The following PCMT1 variants were observed in gnomAD, a reference collection of about 807,000 sequenced individuals.
PCMT1 encodes protein-L-isoaspartate (D-aspartate) O-methyltransferase.
In PCMT1, 9 loss-of-function variants were observed where a neutral mutation model predicts 29.2. The ratio of observed to expected loss-of-function variants is 0.31; its 90% CI spans 0.19 to 0.54. The LOEUF (loss-of-function observed/expected upper bound fraction) is 0.54, where lower values mean the gene tolerates loss of function less well. Ranked by LOEUF, PCMT1 falls within the 20% of genes least tolerant of loss-of-function variation. The pLI, the probability that PCMT1 is intolerant of heterozygous loss-of-function variation, is 0.95. For synonymous variants in PCMT1, 98 were observed against 97.5 expected (o/e 1.00, Z -0.03); for missense variants, 184 against 282.2 (o/e 0.65, Z 2.49).
intron 3 of PCMT1, 119 bp from the exon 4 acceptor site, chr6:149,789,835 A>G: frequency 1.9e-6 from 1 of 532,832 alleles, no homozygotes; most frequent in South Asian, 3.5e-5. Flanking sequence ...TAGCCAAGAT[A>G]ACTTGGTTAT....
rs954449647 is a variant in PCMT1, at chr6:149,802,108, G to A, written c.505-92G>A. The A allele has an allele frequency of 1.0e-5, 9 of 873,096 alleles. No individual in the cohort carries two copies. The Admixed American group carries it at 1.2e-4, about 11-fold the overall frequency. The allele number at this position is 873,096 out of a possible 1,614,324, so 54.1% of individuals were successfully genotyped here. A position where few individuals can be genotyped will look rare whatever the true frequency, so the allele number is the denominator to read the frequency against. On this transcript the variant is annotated intron_variant, in intron 6 of 7. Transcript: ENST00000464889. ...CGTGTCATTGCACTCCAGCCTGGGCGACAGAGTGAGACCCTGTCTCAAAAA... is the reference window on the plus strand; with the variant it reads ...CGTGTCATTGCACTCCAGCCTGGGCAACAGAGTGAGACCCTGTCTCAAAAA...
intron 1 of PCMT1, among the ~76,000 whole-genome samples, chr6:149,752,962 T>G (rs929836783): frequency 2.6e-5 from 4 of 152,234 alleles, no homozygotes; most frequent in Non-Finnish European, 5.9e-5. Flanking sequence ...ATATTTAATA[T>G]ACATAGATGT....
intron 4 of PCMT1, among the ~76,000 whole-genome samples, chr6:149,792,914 G>C (rs745968539): frequency 3.9e-5 from 6 of 152,094 alleles, no homozygotes; most frequent in Admixed American, 6.6e-5. Context: ...TGTAATCCCA[G>C]CACTCTGGGA....
At chr6:149,752,036 GTT>G (rs60405304) in intron 1 of PCMT1, among the ~76,000 whole-genome samples, 4 of 122,776 alleles carry the variant, frequency 3.3e-5, no homozygotes, top group East Asian at 2.6e-4. Flanking sequence ...AATTTTTAGG[GTT>G]TTTTTTTTTT....
intron 3 of PCMT1, among the ~76,000 whole-genome samples, chr6:149,785,835 A>C (rs1293956798): frequency 6.6e-6 from 1 of 152,154 alleles, no homozygotes; most frequent in East Asian, 1.9e-4. Context: ...CAACCATCCG[A>C]TTTCTCAATC....
intron 3 of PCMT1, among the ~76,000 whole-genome samples, chr6:149,786,417 A>ACC (rs1274258412): frequency 2.5e-5 from 2 of 81,562 alleles, no homozygotes; most frequent in African/African-American, 1.1e-4. Context: ...GCGGGGGCTG[A>ACC]CCCCCCACCT....
chr6:149,752,511 T>C (rs1324067934), intron 1 of PCMT1, among the ~76,000 whole-genome samples: 1 of 152,194 alleles, frequency 6.6e-6, no homozygotes, highest in Non-Finnish European at 1.5e-5. Flanking sequence ...GATGTCAATA[T>C]TTTGTCAAGC....
At chr6:149,762,354 G>A (rs1443541119) in intron 1 of PCMT1, among the ~76,000 whole-genome samples, 2 of 151,456 alleles carry the variant, frequency 1.3e-5, no homozygotes, top group Non-Finnish European at 2.9e-5. Flanking sequence ...AGCAGATCGG[G>A]TATGGGTGGC....
chr6:149,765,240 G>C (rs558748114), intron 1 of PCMT1, among the ~76,000 whole-genome samples: 1 of 148,786 alleles, frequency 6.7e-6, no homozygotes, highest in Non-Finnish European at 1.5e-5. Context: ...GGTGCCTGTA[G>C]TCCCAGCTAC....
intron 3 of PCMT1, among the ~76,000 whole-genome samples, chr6:149,773,902 C>A (rs569486402): frequency 1.3e-5 from 2 of 152,258 alleles, no homozygotes; most frequent in East Asian, 3.9e-4. Flanking sequence ...GTATAAGAGC[C>A]ATTAAGCTGC....
intron 6 of PCMT1, among the ~76,000 whole-genome samples, chr6:149,801,435 C>G (rs1775824487): frequency 1.3e-5 from 2 of 152,004 alleles, no homozygotes; most frequent in African/African-American, 4.8e-5. Flanking sequence ...ATTATTGATG[C>G]TCAACCTGTA....
chr6:149,799,441 T>C (rs1001450584), intron 6 of PCMT1, among the ~76,000 whole-genome samples: 5 of 152,148 alleles, frequency 3.3e-5, no homozygotes, highest in African/African-American at 1.2e-4. Context: ...AAATTCTGAG[T>C]TGAAAATTAT....
chr6:149,794,627 A>G (rs907535855), intron 5 of PCMT1: 1 of 257,316 alleles, frequency 3.9e-6, no homozygotes. Context: ...AAAAAAACAA[A>G]TAAAATAAAA....
chr6:149,754,218 T>A (rs935964147), intron 1 of PCMT1, among the ~76,000 whole-genome samples: 8 of 152,158 alleles, frequency 5.3e-5, no homozygotes, highest in African/African-American at 9.7e-5. Flanking sequence ...TTCAATTTTT[T>A]AAAAAATTAA....
rs1049468499 is a variant in PCMT1 at position 149,768,819 on chromosome 6, G to A, written c.56-2343G>A. On this transcript the variant is annotated intron_variant, in intron 1 of 7. Coordinates refer to ENST00000464889, the MANE Select transcript of PCMT1 (RefSeq NM_001360452.2). ...TTTTTGTATTTTTAGTAGAGATGGG[G>A]TTTCGCCATGTTGGCCGTATTGGTC... 3.3e-5 allele frequency among the ~76,000 whole-genome samples: 5 copies of A among 151,988 alleles called. No homozygotes were observed. In the South Asian group the frequency reaches 6.2e-4, roughly 19 times the overall value.
intron 7 of PCMT1, 168 bp downstream of exon 7, chr6:149,802,584 G>A: frequency 9.8e-7 from 1 of 1,021,464 alleles, no homozygotes; most frequent in Non-Finnish European, 1.2e-6. Flanking sequence ...GAAAGGGAGG[G>A]TGAGACTTGG....
intron 5 of PCMT1, chr6:149,795,180 C>T (rs985687550): frequency 1.0e-5 from 3 of 293,140 alleles, no homozygotes; most frequent in Non-Finnish European, 1.3e-5. Flanking sequence ...CAGACAAGAG[C>T]GAGACTTCGT....
In PCMT1 at chr6:149,786,518, CG is replaced by C. The variant is rs1375930441; in HGVS notation, c.193-3432del. ...GCGGAGGGGCTCCTCACTTCTCAGA[CG>C]GGGCGGCTGCCGGGCGGAGGGGCTC... On this transcript the variant is annotated intron_variant, in intron 3 of 7. Transcript: ENST00000464889. 2.5e-5 allele frequency among the ~76,000 whole-genome samples: 3 copies of C among 120,988 alleles called. 1 individual carries two copies. The highest frequency in any genetic ancestry group is 4.8e-5 in the Non-Finnish European group (3 of 62,656). 79.4% of individuals were successfully genotyped at this position (120,988 alleles called of 152,430 possible).
chr6:149,773,961 T>C (rs116912868), intron 3 of PCMT1, among the ~76,000 whole-genome samples: 464 of 152,250 alleles, frequency 3.0e-3, no homozygotes, highest in Non-Finnish European at 5.3e-3. Context: ...AGTTTTAATC[T>C]GTTGGGAATT....
Sources: allele counts gnomAD v4.1 joint callset (sites outside exome capture counted in the v4.1 genomes callset), GRCh38; gene constraint gnomAD v4.1.1; transcripts MANE v1.5; gene names NCBI Gene and HGNC (gene_info 2026-07-23, HGNC 2026-07-21).